The following ARMC8 variants were observed in gnomAD, a reference collection of about 807,000 sequenced individuals.
The protein encoded by ARMC8 is armadillo repeat-containing protein 8.
A neutral mutation model predicts 99.3 loss-of-function variants in ARMC8; 20 were observed. That is an observed-to-expected ratio of 0.20 (90% confidence interval 0.14 to 0.29). The LOEUF (loss-of-function observed/expected upper bound fraction) is 0.29, where lower values mean the gene tolerates loss of function less well. ARMC8 is among the 10% of genes least tolerant of loss of function. ARMC8 has a pLI of 1.00. For missense variants in ARMC8, 569 were observed against 809.5 expected (o/e 0.70, Z 3.60); for synonymous variants, 263 against 278.3 (o/e 0.95, Z 0.55).
At chr3:138,241,745 T>A in intron 10 of ARMC8, 38 bp from the exon 11 acceptor site, 1 of 1,593,528 alleles carries the variant, frequency 6.3e-7, no homozygotes, top group Non-Finnish European at 8.6e-7. Flanking sequence ...GCTTTTACCT[T>A]TACCAAAAAG....
intron 12 of ARMC8, among the ~76,000 whole-genome samples, chr3:138,260,461 T>G (rs2047649320): frequency 6.6e-6 from 1 of 152,208 alleles, no homozygotes; most frequent in Admixed American, 6.5e-5. Context: ...GCTGGCTACC[T>G]ACTCATTTTA....
chr3:138,273,910 G>A (rs988395778), intron 17 of ARMC8, among the ~76,000 whole-genome samples: 2 of 151,334 alleles, frequency 1.3e-5, no homozygotes, highest in East Asian at 3.9e-4. Context: ...TCCACTTCCC[G>A]GGTTCAAGTG....
chr3:138,234,415 A>C (rs1192664591), intron 6 of ARMC8, among the ~76,000 whole-genome samples: 1 of 152,172 alleles, frequency 6.6e-6, no homozygotes, highest in African/African-American at 2.4e-5. Context: ...TGGCTGAACC[A>C]ATACTTTTAA....
intron 19 of ARMC8, among the ~76,000 whole-genome samples, chr3:138,285,748 G>A (rs1342595331): frequency 1.3e-5 from 2 of 152,180 alleles, no homozygotes; most frequent in African/African-American, 4.8e-5. Context: ...GTGCACAACT[G>A]TATATCCACC....
At chr3:138,229,431 T>G (rs998573509) in intron 6 of ARMC8, among the ~76,000 whole-genome samples, 1 of 151,252 alleles carries the variant, frequency 6.6e-6, no homozygotes, top group Non-Finnish European at 1.5e-5. Flanking sequence ...TCCAGTCTTA[T>G]GCTATTACAA....
intron 1 of ARMC8, among the ~76,000 whole-genome samples, chr3:138,190,617 C>T (rs951660061): frequency 6.6e-6 from 1 of 152,174 alleles, no homozygotes; most frequent in African/African-American, 2.4e-5. Flanking sequence ...CATGAACCTG[C>T]TATCCTGTAT....
chr3:138,280,050 C>T (rs1322344409), intron 18 of ARMC8, among the ~76,000 whole-genome samples: 10 of 151,824 alleles, frequency 6.6e-5, no homozygotes, highest in African/African-American at 2.2e-4. Flanking sequence ...ATTACAGGCA[C>T]GTGTCACCAC....
chr3:138,257,088 A>C (rs574675533), intron 12 of ARMC8, among the ~76,000 whole-genome samples: 49 of 152,310 alleles, frequency 3.2e-4, no homozygotes, highest in Admixed American at 1.5e-3. Flanking sequence ...ATTCAGCCTA[A>C]AAATGAACAG....
At chr3:138,291,585 C>T (rs772302377) in intron 21 of ARMC8, among the ~76,000 whole-genome samples, 7 of 152,056 alleles carry the variant, frequency 4.6e-5, no homozygotes, top group Admixed American at 2.6e-4. Context: ...CAAATGAATA[C>T]GTAACACAGT....
At chr3:138,239,299 A>G in intron 9 of ARMC8, 169 bp from the exon 10 acceptor site, 1 of 529,974 alleles carries the variant, frequency 1.9e-6, no homozygotes, top group Non-Finnish European at 3.3e-6. Context: ...GTTTTCTTTG[A>G]CTATTAAATT....
At chr3:138,196,064 C>T (rs1483618519) in intron 1 of ARMC8, among the ~76,000 whole-genome samples, 3 of 152,082 alleles carry the variant, frequency 2.0e-5, no homozygotes, top group Non-Finnish European at 4.4e-5. Flanking sequence ...TCTTTACCAC[C>T]TGGAAAGTAA....
chr3:138,236,147 A>G (rs1298562577), intron 7 of ARMC8, among the ~76,000 whole-genome samples: 1 of 151,998 alleles, frequency 6.6e-6, no homozygotes, highest in East Asian at 1.9e-4. Context: ...AGGGCCTACT[A>G]ATGTGTATGT....
At chr3:138,294,722 C>G (rs909905788) in intron 21 of ARMC8, among the ~76,000 whole-genome samples, 1 of 152,110 alleles carries the variant, frequency 6.6e-6, no homozygotes, top group Non-Finnish European at 1.5e-5. Context: ...AACCTGACTT[C>G]CTAACTCCCA....
chr3:138,284,075 T>G (rs2050178220), intron 18 of ARMC8, among the ~76,000 whole-genome samples: 1 of 152,204 alleles, frequency 6.6e-6, no homozygotes, highest in Non-Finnish European at 1.5e-5. Context: ...AACATTGTGG[T>G]TTGTCACAAG....
At chr3:138,239,402 C>A (rs1487158072) in intron 9 of ARMC8, 66 bp from the exon 10 acceptor site, 17 of 1,205,104 alleles carry the variant, frequency 1.4e-5, no homozygotes, top group Non-Finnish European at 1.8e-5. Flanking sequence ...ATCTTAAAGG[C>A]AAATAATTTT....
intron 1 of ARMC8, among the ~76,000 whole-genome samples, chr3:138,204,331 A>G (rs149842777): frequency 7.9e-5 from 12 of 152,300 alleles, no homozygotes; most frequent in East Asian, 1.9e-4. Flanking sequence ...TCAGTTATTC[A>G]TGAACGTTGT....
intron 21 of ARMC8, among the ~76,000 whole-genome samples, chr3:138,294,055 G>A (rs1245861902): frequency 1.3e-5 from 2 of 152,078 alleles, no homozygotes; most frequent in Non-Finnish European, 2.9e-5. Context: ...GACAATAAAG[G>A]TACAGTCTCT....
At position 138,279,675 on chromosome 3, in the gene ARMC8, G is replaced by A. The variant is rs984379587; in HGVS notation, c.1726-4756G>A. 2.6e-5 allele frequency among the ~76,000 whole-genome samples: 4 copies of A among 152,242 alleles called. No individual in the cohort carries two copies. In the East Asian group the frequency reaches 5.8e-4, roughly 22 times the overall value. On this transcript the variant is annotated intron_variant, in intron 18 of 21. Coordinates refer to ENST00000469044, the MANE Select transcript of ARMC8 (RefSeq NM_001363941.2). ...TTGGAATCATCTGGATACGATGACCGTTTTGTGGAAAGGTGTTTAACTACA... is the reference window on the plus strand; with the variant it reads ...TTGGAATCATCTGGATACGATGACCATTTTGTGGAAAGGTGTTTAACTACA...
intron 18 of ARMC8, among the ~76,000 whole-genome samples, chr3:138,279,152 A>G (rs895419962): frequency 6.6e-6 from 1 of 152,292 alleles, no homozygotes; most frequent in South Asian, 2.1e-4. Flanking sequence ...TAGGTTTTTC[A>G]TAGATTCCCT....
Sources: allele counts gnomAD v4.1 joint callset (sites outside exome capture counted in the v4.1 genomes callset), GRCh38; gene constraint gnomAD v4.1.1; transcripts MANE v1.5; gene names NCBI Gene and HGNC (gene_info 2026-07-23, HGNC 2026-07-21).